The following ZSCAN5A variants were observed in gnomAD, a reference collection of about 807,000 sequenced individuals.
ZSCAN5A encodes the protein zinc finger and SCAN domain containing 5A, also known as zinc finger and SCAN domain-containing protein 5A.
A neutral mutation model predicts 23.7 loss-of-function variants in ZSCAN5A; 12 were observed. The observed-to-expected ratio is 0.51, with a 90% CI of 0.32 to 0.82. ZSCAN5A has a LOEUF of 0.82. ZSCAN5A is among the 40% of genes least tolerant of loss of function. ZSCAN5A has a pLI of 0.03. For missense variants in ZSCAN5A, 597 were observed against 617.9 expected (o/e 0.97, Z 0.36); for synonymous variants, 257 against 239.9 (o/e 1.07, Z -0.66).
intron 2 of ZSCAN5A, among the ~76,000 whole-genome samples, chr19:56,250,815 T>G (rs1369229694): frequency 1.3e-5 from 2 of 152,194 alleles, no homozygotes; most frequent in African/African-American, 2.4e-5. Context: ...CTTTACATTT[T>G]ATTTTCTATG....
intron 2 of ZSCAN5A, chr19:56,266,491 C>T (rs1204278113): frequency 2.1e-5 from 2 of 96,124 alleles, no homozygotes; most frequent in African/African-American, 4.1e-5. Flanking sequence ...GAGATGCCCC[C>T]ACTTTTTTTT....
intron 2 of ZSCAN5A, among the ~76,000 whole-genome samples, chr19:56,289,978 A>G (rs899573872): frequency 6.6e-6 from 1 of 152,214 alleles, no homozygotes; most frequent in African/African-American, 2.4e-5. Flanking sequence ...GTTGAAGAAA[A>G]CGAATACTGG....
chr19:56,326,179 G>A (rs1033192211), intron 2 of ZSCAN5A, among the ~76,000 whole-genome samples: 2 of 151,554 alleles, frequency 1.3e-5, no homozygotes, highest in Admixed American at 6.6e-5. Flanking sequence ...CCTCGTGATC[G>A]GCCCGCCTCG....
intron 2 of ZSCAN5A, among the ~76,000 whole-genome samples, chr19:56,262,431 G>GT (rs941656277): frequency 5.7e-5 from 8 of 139,944 alleles, no homozygotes; most frequent in African/African-American, 2.1e-4. Context: ...TTGTTTTTTT[G>GT]TTTTTTTGAG....
At chr19:56,275,177 T>G (rs1294683644) in intron 2 of ZSCAN5A, among the ~76,000 whole-genome samples, 1 of 152,194 alleles carries the variant, frequency 6.6e-6, no homozygotes, top group African/African-American at 2.4e-5. Flanking sequence ...CCTTTGTAAT[T>G]AATAAATACG....
intron 2 of ZSCAN5A, among the ~76,000 whole-genome samples, chr19:56,294,888 A>G (rs2039755988): frequency 6.6e-6 from 1 of 152,254 alleles, no homozygotes; most frequent in Admixed American, 6.5e-5. Flanking sequence ...AAAAGCACAT[A>G]GGGTATGACT....
intron 2 of ZSCAN5A, among the ~76,000 whole-genome samples, chr19:56,252,168 A>C (rs2036388725): frequency 6.6e-6 from 1 of 152,212 alleles, no homozygotes; most frequent in African/African-American, 2.4e-5. Flanking sequence ...ATGCCTGTCA[A>C]GTGATAATGG....
intron 2 of ZSCAN5A, among the ~76,000 whole-genome samples, chr19:56,261,135 G>A (rs1489577582): frequency 1.8e-4 from 27 of 151,878 alleles, no homozygotes; most frequent in Admixed American, 1.8e-3. Context: ...TTGAACTTGG[G>A]AGGCGGAGGT....
At chr19:56,320,990 AC>A in intron 2 of ZSCAN5A, 1 of 714,966 alleles carries the variant, frequency 1.4e-6, no homozygotes, top group South Asian at 1.4e-5. Context: ...TTCGCCACAG[AC>A]CGGTAAGTTG....
intron 2 of ZSCAN5A, chr19:56,286,434 C>G (rs1396940641): frequency 6.6e-6 from 1 of 152,030 alleles, no homozygotes; most frequent in Non-Finnish European, 1.5e-5. Context: ...CGCCAGAACC[C>G]CCACACCTCC....
intron 2 of ZSCAN5A, chr19:56,228,436 C>T (rs1157231734): frequency 1.0e-6 from 1 of 985,266 alleles, no homozygotes; most frequent in Non-Finnish European, 1.2e-6. Context: ...GATTATGGTT[C>T]CCACTGAAAC....
intron 2 of ZSCAN5A, among the ~76,000 whole-genome samples, chr19:56,278,931 G>T (rs2038466889): frequency 6.6e-6 from 1 of 152,162 alleles, no homozygotes. Flanking sequence ...CAACTGGATG[G>T]TGCTCACCCA....
intron 4 of ZSCAN5A, among the ~76,000 whole-genome samples, chr19:56,223,050 A>C (rs1214856625): frequency 6.6e-6 from 1 of 152,146 alleles, no homozygotes; most frequent in East Asian, 1.9e-4. Flanking sequence ...TGGAAGGAGC[A>C]TGACTCTAGT....
chr19:56,296,456 T>A (rs1010309201), intron 2 of ZSCAN5A: 4 of 152,056 alleles, frequency 2.6e-5, no homozygotes, highest in Non-Finnish European at 4.4e-5. Flanking sequence ...TTAAATATCA[T>A]CAGACCCTAC....
intron 2 of ZSCAN5A, among the ~76,000 whole-genome samples, chr19:56,280,270 T>C (rs942763195): frequency 1.3e-5 from 2 of 152,338 alleles, no homozygotes; most frequent in African/African-American, 4.8e-5. Flanking sequence ...ATAAGGAGCA[T>C]CCTCAACCTC....
At chr19:56,231,991 C>CTTTTATTTTTTT (rs1357492276) in intron 2 of ZSCAN5A, among the ~76,000 whole-genome samples, 23 of 34,352 alleles carry the variant, frequency 6.7e-4, no homozygotes, top group African/African-American at 2.2e-3. Flanking sequence ...TTCTTTTTTT[C>CTTTTATTTTTTT]TTTTCTTTTT....
At chr19:56,267,985 A>G (rs185571206) in intron 2 of ZSCAN5A, among the ~76,000 whole-genome samples, 1 of 152,296 alleles carries the variant, frequency 6.6e-6, no homozygotes, top group Non-Finnish European at 1.5e-5. Flanking sequence ...CCGCACCTCT[A>G]TGATTTCAGA....
chr19:56,223,764 G>C lies in ZSCAN5A; in HGVS notation c.455C>G (p.Ser152Cys), dbSNP rs150002888. Residue 152 changes from serine (S) to cysteine (C), a missense_variant, in exon 4 of 6, where the codon TCC (serine) becomes TGC (cysteine). Physicochemically the swap from Ser to Cys is moderately radical, Grantham distance 112. Transcript: ENST00000683990. ...GTCTTTCAGATCATCTCTGACACTG[G>C]AGGGGGCTTCAGCCATCTCGATATC... The part of the protein sequence containing the change: ...DSDIEMAEAP[S>C]SVRDDLKDVS... 860 of 1,613,856 alleles carry C rather than the reference G, an allele frequency of 5.3e-4. No homozygotes were observed. Among genetic ancestry groups the C allele is most frequent in the Non-Finnish European group, 6.9e-4 (818 of 1,180,026 alleles).
chr19:56,322,067 T>C (rs2041381727), intron 2 of ZSCAN5A: 19 of 768,756 alleles, frequency 2.5e-5, no homozygotes, highest in Non-Finnish European at 4.1e-5. Context: ...GCACAGCCAC[T>C]TCCTCTTTCT....
Sources: gnomAD v4.1 joint callset for allele counts (sites outside exome capture counted in the v4.1 genomes callset) on GRCh38, gnomAD v4.1.1 for gene constraint, MANE v1.5 for transcripts, NCBI Gene and HGNC (gene_info 2026-07-23, HGNC 2026-07-21) for gene names.